The following SERGEF variants were observed in gnomAD, a reference collection of about 807,000 sequenced individuals.
SERGEF encodes secretion-regulating guanine nucleotide exchange factor.
SERGEF carries 51 observed loss-of-function variants against 50.0 expected under a neutral mutation model. That is an observed-to-expected ratio of 1.02 (90% confidence interval 0.81 to 1.29). The LOEUF (loss-of-function observed/expected upper bound fraction) is 1.29, where lower values mean the gene tolerates loss of function less well. Among genes scored for constraint, SERGEF ranks in the 50% most tolerant of loss-of-function variants. The pLI is 0.00. For synonymous variants in SERGEF, 205 were observed against 212.4 expected (o/e 0.97, Z 0.30); for missense variants, 521 against 557.0 (o/e 0.94, Z 0.65).
At chr11:17,996,014 T>TTA in intron 5 of SERGEF, 105 bp from the exon 6 acceptor site, 1 of 790,988 alleles carries the variant, frequency 1.3e-6, no homozygotes, top group Non-Finnish European at 2.1e-6. Context: ...TCTTTCTCAG[T>TTA]TAATATGAGT....
intron 9 of SERGEF, among the ~76,000 whole-genome samples, chr11:17,917,620 G>C (rs1852073737): frequency 5.3e-5 from 8 of 152,178 alleles, no homozygotes; most frequent in Admixed American, 4.6e-4. Flanking sequence ...CTCCACTCCA[G>C]ACTTACTGCA....
Position 17,995,881 on chromosome 11 carries a change from A to G in SERGEF, c.537T>C (p.Thr179=). 3.1e-6 allele frequency: 5 copies of G among 1,613,998 alleles called. No individual in the cohort carries two copies. Among genetic ancestry groups the G allele is most frequent in the Non-Finnish European group, 4.2e-6 (5 of 1,179,908 alleles). The change falls in exon 6 of 11, where the codon ACT becomes ACC. Residue 179 remains threonine, a synonymous_variant. Coordinates refer to ENST00000265965, the MANE Select transcript of SERGEF (RefSeq NM_012139.4). ...ACCGTCGTCCACATGATGCCAAACC[A>G]GTCCCCCACTGGAACACGATGCCAC... ...TASGIVFQWG[T]GLASCGRRLC...
At chr11:17,968,174 G>A (rs1022948905) in intron 8 of SERGEF, among the ~76,000 whole-genome samples, 5 of 152,220 alleles carry the variant, frequency 3.3e-5, no homozygotes, top group Non-Finnish European at 7.3e-5. Context: ...CCCAGAGGTG[G>A]TGTTCAGTGT....
At chr11:17,822,604 T>C (rs1251594127) in intron 10 of SERGEF, among the ~76,000 whole-genome samples, 1 of 151,632 alleles carries the variant, frequency 6.6e-6, no homozygotes, top group Non-Finnish European at 1.5e-5. Flanking sequence ...GAGGCAGGAG[T>C]GGAATCTGCA....
At chr11:17,820,708 A>G (rs1850064860) in intron 10 of SERGEF, among the ~76,000 whole-genome samples, 1 of 152,216 alleles carries the variant, frequency 6.6e-6, no homozygotes, top group Non-Finnish European at 1.5e-5. Context: ...GTGACCTTTT[A>G]TGGAAAAAGG....
chr11:17,943,224 A>G (rs914607812), intron 9 of SERGEF, among the ~76,000 whole-genome samples: 10 of 152,266 alleles, frequency 6.6e-5, no homozygotes, highest in Admixed American at 5.9e-4. Context: ...TTTGTGGAAA[A>G]GTTTTTGATA....
In SERGEF at chr11:17,963,131, G is replaced by A. The variant is rs147771789; in HGVS notation, c.845-3495C>T. ...TGGGAGGCAGAGGTTGCAGTGAGCC[G>A]AGATGGCACCATTGCACTCCAGCCT... On this transcript the variant is annotated intron_variant, in intron 8 of 10. Transcript: ENST00000265965. Among the ~76,000 whole-genome samples the A allele has an allele frequency of 6.0e-3, 857 of 143,030 alleles. 12 individuals are homozygous for A. Among genetic ancestry groups the A allele is most frequent in the African/African-American group, 0.021 (813 of 38,150 alleles). 93.8% of individuals were successfully genotyped at this position (143,030 alleles called of 152,430 possible).
At chr11:17,998,844 A>AC (rs60823740) in intron 5 of SERGEF, among the ~76,000 whole-genome samples, 1 of 150,436 alleles carries the variant, frequency 6.6e-6, no homozygotes, top group Non-Finnish European at 1.5e-5. Context: ...AAAAAAAAAA[A>AC]CTCACGAGAA....
chr11:17,861,553 T>C (rs1007051982), intron 10 of SERGEF, among the ~76,000 whole-genome samples: 5 of 152,244 alleles, frequency 3.3e-5, no homozygotes, highest in African/African-American at 1.2e-4. Context: ...ACTTCAGAGT[T>C]ACTGTAAGAA....
intron 9 of SERGEF, among the ~76,000 whole-genome samples, chr11:17,903,128 T>G (rs908964765): frequency 2.6e-5 from 4 of 152,222 alleles, no homozygotes; most frequent in Non-Finnish European, 5.9e-5. Flanking sequence ...AATAACAGTA[T>G]CTCATGTGCC....
rs146456837 is a variant in SERGEF, at chr11:17,795,078, C to T, written c.1049-6665G>A. 3.6e-3 allele frequency among the ~76,000 whole-genome samples: 551 copies of T among 152,302 alleles called. 4 individuals carry two copies. The highest frequency in any genetic ancestry group is 0.013 in the African/African-American group (534 of 41,554). Reference sequence around the variant, plus strand: ...CTCCTGTCTAAGAGCACGCATAGGCCTAGACCAACAGTCAGGACTGCTCTT... The same window carrying T: ...CTCCTGTCTAAGAGCACGCATAGGCTTAGACCAACAGTCAGGACTGCTCTT... On this transcript the variant is annotated intron_variant, in intron 10 of 10. Coordinates refer to ENST00000265965, the MANE Select transcript of SERGEF (RefSeq NM_012139.4).
intron 6 of SERGEF, among the ~76,000 whole-genome samples, chr11:17,995,270 C>T (rs898222241): frequency 7.2e-5 from 11 of 152,198 alleles, no homozygotes; most frequent in Non-Finnish European, 1.6e-4. Context: ...TGTCTACATC[C>T]TCACTCACTC....
chr11:17,814,524 A>T (rs1462908145), intron 10 of SERGEF, among the ~76,000 whole-genome samples: 1 of 152,166 alleles, frequency 6.6e-6, no homozygotes, highest in Non-Finnish European at 1.5e-5. Flanking sequence ...TAGAGATTTA[A>T]CTTATTGGGT....
chr11:17,909,800 T>A (rs2133928419), intron 9 of SERGEF, among the ~76,000 whole-genome samples: 1 of 107,672 alleles, frequency 9.3e-6, no homozygotes, highest in Non-Finnish European at 1.9e-5. Context: ...ATGTCATATA[T>A]CCAAGAAGGA....
chr11:17,936,260 C>T (rs189024861), intron 9 of SERGEF, among the ~76,000 whole-genome samples: 2 of 152,242 alleles, frequency 1.3e-5, no homozygotes, highest in Admixed American at 1.3e-4. Flanking sequence ...CCTAGTTGCC[C>T]TATTCTTCTG....
intron 9 of SERGEF, among the ~76,000 whole-genome samples, chr11:17,929,390 C>G (rs1368718312): frequency 6.6e-6 from 1 of 152,126 alleles, no homozygotes; most frequent in Non-Finnish European, 1.5e-5. Context: ...CAGGAAGACA[C>G]CCCATGGCTG....
chr11:17,793,369 CAGA>C (rs1231626868), intron 10 of SERGEF, among the ~76,000 whole-genome samples: 1 of 151,268 alleles, frequency 6.6e-6, no homozygotes, highest in Non-Finnish European at 1.5e-5. Context: ...ATCCCCTTAA[CAGA>C]AGGACTTGCA....
chr11:17,896,002 T>C (rs1466525225), intron 9 of SERGEF, among the ~76,000 whole-genome samples: 1 of 152,228 alleles, frequency 6.6e-6, no homozygotes, highest in East Asian at 1.9e-4. Flanking sequence ...ATGGGGTACC[T>C]ACATTACTTT....
chr11:17,806,808 C>T (rs1266210793), intron 10 of SERGEF, among the ~76,000 whole-genome samples: 1 of 152,110 alleles, frequency 6.6e-6, no homozygotes, highest in Non-Finnish European at 1.5e-5. Context: ...AGGGCTCAAA[C>T]CAGCAGGATT....
Sources: allele counts gnomAD v4.1 joint callset (sites outside exome capture counted in the v4.1 genomes callset), GRCh38; gene constraint gnomAD v4.1.1; transcripts MANE v1.5; gene names NCBI Gene and HGNC (gene_info 2026-07-23, HGNC 2026-07-21).